SH3RF3: variants seen among roughly 807,000 people sequenced by gnomAD.
SH3RF3 encodes the protein E3 ubiquitin-protein ligase SH3RF3.
Under a neutral mutation model 66.3 loss-of-function variants are expected in SH3RF3, and 29 were observed. That is an observed-to-expected ratio of 0.44 (90% CI 0.33 to 0.60). The LOEUF (loss-of-function observed/expected upper bound fraction) is 0.60, where lower values mean the gene tolerates loss of function less well. SH3RF3 is among the 20% of genes least tolerant of loss of function. The pLI is 0.04. For missense variants in SH3RF3, 1,194 were observed against 1,190.9 expected, an observed-to-expected ratio of 1.00 and a Z score of -0.04; for synonymous variants, 583 against 532.0, an observed-to-expected ratio of 1.10 and a Z score of -1.32.
At chr2:109,415,285 T>G (rs1218822197) in intron 4 of SH3RF3, among the ~76,000 whole-genome samples, 1 of 152,206 alleles carries the variant, frequency 6.6e-6, no homozygotes, top group East Asian at 1.9e-4. Context: ...TGTGAGGAAC[T>G]AACACCACGG....
intron 1 of SH3RF3, among the ~76,000 whole-genome samples, chr2:109,325,678 T>C (rs927509900): frequency 6.6e-6 from 1 of 152,204 alleles, no homozygotes; most frequent in Non-Finnish European, 1.5e-5. Context: ...GGTTCTTTTC[T>C]ATATGCCCAC....
At chr2:109,453,668 A>G (rs1289551260) in intron 8 of SH3RF3, among the ~76,000 whole-genome samples, 1 of 152,236 alleles carries the variant, frequency 6.6e-6, no homozygotes, top group Non-Finnish European at 1.5e-5. Context: ...GAGCGCAGGC[A>G]CACGGTTCAT....
At chr2:109,158,817 G>T (rs1164243440) in intron 1 of SH3RF3, among the ~76,000 whole-genome samples, 3 of 152,186 alleles carry the variant, frequency 2.0e-5, no homozygotes, top group Non-Finnish European at 2.9e-5. Flanking sequence ...GACCAGCCCT[G>T]GTCTACATGC....
chr2:109,260,057 A>G (rs1401459123), intron 1 of SH3RF3, among the ~76,000 whole-genome samples: 1 of 152,028 alleles, frequency 6.6e-6, no homozygotes, highest in Admixed American at 6.5e-5. Context: ...GTTATTTGTG[A>G]TGTTTATCTC....
At chr2:109,365,368 C>G (rs144194370) in intron 2 of SH3RF3, among the ~76,000 whole-genome samples, 1 of 152,192 alleles carries the variant, frequency 6.6e-6, no homozygotes, top group South Asian at 2.1e-4. Flanking sequence ...CCCTCCTAGC[C>G]GAGCACTGCT....
At chr2:109,356,947 G>A (rs187475219) in intron 2 of SH3RF3, among the ~76,000 whole-genome samples, 21 of 152,252 alleles carry the variant, frequency 1.4e-4, no homozygotes, top group Non-Finnish European at 2.9e-4. Context: ...GGACTGTTCC[G>A]TGATGGTCCA....
chr2:109,172,474 G>T (rs1677808448), intron 1 of SH3RF3, among the ~76,000 whole-genome samples: 1 of 152,122 alleles, frequency 6.6e-6, no homozygotes, highest in Non-Finnish European at 1.5e-5. Context: ...TTATCCTCTT[G>T]GTGTTTGCAG....
chr2:109,456,256 C>T (rs1052973040), intron 8 of SH3RF3, among the ~76,000 whole-genome samples: 13 of 152,230 alleles, frequency 8.5e-5, no homozygotes, highest in Admixed American at 7.2e-4. Context: ...GAGTCAGCCC[C>T]GTGTGGCTGG....
Position 109,355,778 on chromosome 2 carries a change from G to A in SH3RF3, c.849+7829G>A, listed in dbSNP as rs748124022. On this transcript the variant is annotated intron_variant, in intron 2 of 9. Coordinates refer to ENST00000309415, the MANE Select transcript of SH3RF3 (RefSeq NM_001099289.3). Reference sequence around the variant, plus strand: ...CCATGCCATGCGGATCAGTCTTGCCGTCTTCATATACAAAGCCCATTTGGT... The same window carrying A: ...CCATGCCATGCGGATCAGTCTTGCCATCTTCATATACAAAGCCCATTTGGT... Among the ~76,000 whole-genome samples, 15 of 152,190 alleles carry A rather than the reference G, an allele frequency of 9.9e-5. 1 individual carries two copies. Among genetic ancestry groups the A allele is most frequent in the Admixed American group, 6.5e-4 (10 of 15,284 alleles).
intron 1 of SH3RF3, among the ~76,000 whole-genome samples, chr2:109,297,871 A>G (rs1368726286): frequency 1.3e-5 from 2 of 151,822 alleles, no homozygotes; most frequent in Admixed American, 6.6e-5. Flanking sequence ...ACCCAGGCCA[A>G]TACCCTCCAC....
intron 1 of SH3RF3, among the ~76,000 whole-genome samples, chr2:109,242,300 G>A (rs897295293): frequency 3.9e-5 from 6 of 152,172 alleles, no homozygotes; most frequent in African/African-American, 1.4e-4. Context: ...CACCAATTGG[G>A]TGGAAGCCAG....
At chr2:109,195,561 C>G (rs1262456176) in intron 1 of SH3RF3, among the ~76,000 whole-genome samples, 1 of 152,252 alleles carries the variant, frequency 6.6e-6, no homozygotes, top group Non-Finnish European at 1.5e-5. Flanking sequence ...TGCACCTAAC[C>G]CTCGCATGCT....
At chr2:109,283,503 G>T (rs756495542) in intron 1 of SH3RF3, among the ~76,000 whole-genome samples, 1 of 152,268 alleles carries the variant, frequency 6.6e-6, no homozygotes, top group African/African-American at 2.4e-5. Context: ...GTCCACAAAG[G>T]TCTCCAGAAG....
chr2:109,248,481 A>T (rs545439904), intron 1 of SH3RF3, among the ~76,000 whole-genome samples: 2 of 152,354 alleles, frequency 1.3e-5, no homozygotes, highest in African/African-American at 4.8e-5. Context: ...AAAGTCATTT[A>T]TGCAGGCCTG....
chr2:109,300,196 GA>G (rs112687432), intron 1 of SH3RF3, among the ~76,000 whole-genome samples: 8 of 152,194 alleles, frequency 5.3e-5, no homozygotes, highest in African/African-American at 1.4e-4. Context: ...AGGGCATCCT[GA>G]AATTTTTTTT....
intron 1 of SH3RF3, among the ~76,000 whole-genome samples, chr2:109,167,531 G>A (rs1030715545): frequency 6.6e-6 from 1 of 152,098 alleles, no homozygotes; most frequent in African/African-American, 2.4e-5. Flanking sequence ...TCCCCCATTG[G>A]TATTGTTTAG....
chr2:109,265,563 A>G (rs1182811015), intron 1 of SH3RF3, among the ~76,000 whole-genome samples: 3 of 152,166 alleles, frequency 2.0e-5, no homozygotes, highest in Non-Finnish European at 2.9e-5. Context: ...GGTCTCCTTC[A>G]GGGCAGGTGT....
At chr2:109,259,329 A>G (rs928728339) in intron 1 of SH3RF3, among the ~76,000 whole-genome samples, 9 of 152,128 alleles carry the variant, frequency 5.9e-5, no homozygotes, top group Admixed American at 6.5e-5. Context: ...AGTTGAGCCT[A>G]CCTGAAGCCC....
At chr2:109,499,346 G>T (rs1244160606) in intron 9 of SH3RF3, among the ~76,000 whole-genome samples, 1 of 152,220 alleles carries the variant, frequency 6.6e-6, no homozygotes, top group Admixed American at 6.5e-5. Flanking sequence ...TCAGCCAGGG[G>T]TTTTTAGGCA....
Sources: allele counts gnomAD v4.1 joint callset (sites outside exome capture counted in the v4.1 genomes callset), GRCh38; gene constraint gnomAD v4.1.1; transcripts MANE v1.5; gene names NCBI Gene and HGNC (gene_info 2026-07-23, HGNC 2026-07-21).